Variants in RAPGEF2 observed in about 807,000 individuals in gnomAD.
RAPGEF2 encodes PDZ domain containing guanine nucleotide exchange factor (GEF) 1.
A neutral mutation model predicts 186.7 loss-of-function variants in RAPGEF2; 54 were observed. That is an observed-to-expected ratio of 0.29 (90% confidence interval 0.23 to 0.36). The LOEUF is 0.36. RAPGEF2 is among the 10% of genes least tolerant of loss of function. RAPGEF2 has a pLI of 1.00. For synonymous variants in RAPGEF2, 712 were observed against 705.9 expected (o/e 1.01, Z -0.14); for missense variants, 1,532 against 2,045.0 (o/e 0.75, Z 4.84).
intron 26 of RAPGEF2, among the ~76,000 whole-genome samples, chr4:159,352,154 C>T (rs963346919): frequency 6.6e-6 from 1 of 152,126 alleles, no homozygotes; most frequent in Non-Finnish European, 1.5e-5. Flanking sequence ...TATTGAAAAA[C>T]CAAATGGCAA....
chr4:159,334,917 A>G (rs994125973), intron 17 of RAPGEF2, among the ~76,000 whole-genome samples: 4 of 152,168 alleles, frequency 2.6e-5, no homozygotes, highest in Non-Finnish European at 5.9e-5. Flanking sequence ...ATTTGAAATC[A>G]TATGTGTAAT....
At position 159,236,375 on chromosome 4, in the gene RAPGEF2, G is replaced by A. The variant is rs76162705; in HGVS notation, c.282-2434G>A. 3.3e-3 allele frequency among the ~76,000 whole-genome samples: 502 copies of A among 152,238 alleles called. 6 individuals are homozygous for A. Among genetic ancestry groups the A allele is most frequent in the African/African-American group, 0.012 (486 of 41,522 alleles). On this transcript the variant is annotated intron_variant, in intron 4 of 29. Coordinates refer to ENST00000691494, the MANE Select transcript of RAPGEF2 (RefSeq NM_001394067.2). ...TCCTAGCCATGAAGTTCTGTTGAACGAATGACTAATTGGTAAGAGGATTTA... is the reference window on the plus strand; with the variant it reads ...TCCTAGCCATGAAGTTCTGTTGAACAAATGACTAATTGGTAAGAGGATTTA...
At chr4:159,150,932 A>G (rs1239850708) in intron 1 of RAPGEF2, among the ~76,000 whole-genome samples, 1 of 152,088 alleles carries the variant, frequency 6.6e-6, no homozygotes, top group East Asian at 1.9e-4. Context: ...TTCAGTGTGA[A>G]GTATGTGTAG....
chr4:159,354,182 G>A lies in RAPGEF2; in HGVS notation c.4651+136G>A. 3.1e-6 allele frequency: 3 copies of A among 973,044 alleles called. No homozygotes were observed. The South Asian group carries it at 5.6e-5, about 18-fold the overall frequency. The allele number at this position is 973,044 out of a possible 1,614,324, so 60.3% of individuals were successfully genotyped here. On this transcript the variant is annotated intron_variant, in intron 28 of 29. Coordinates refer to ENST00000691494, the MANE Select transcript of RAPGEF2 (RefSeq NM_001394067.2). ...GCTATGTAGGACTTCCAAATTAGTGGTGTGTTAAGGTCTTTGAAATCAATA... is the reference window on the plus strand; with the variant it reads ...GCTATGTAGGACTTCCAAATTAGTGATGTGTTAAGGTCTTTGAAATCAATA...
At chr4:159,318,410 C>A (rs865780302) in intron 9 of RAPGEF2, among the ~76,000 whole-genome samples, 1 of 152,194 alleles carries the variant, frequency 6.6e-6, no homozygotes, top group Non-Finnish European at 1.5e-5. Context: ...TCCTACCCAA[C>A]GTCCTCTTCC....
At chr4:159,128,681 G>C (rs1216433375) in intron 1 of RAPGEF2, 1 of 151,754 alleles carries the variant, frequency 6.6e-6, no homozygotes, top group Non-Finnish European at 1.5e-5. Flanking sequence ...TTTGTAAAGA[G>C]CTTTCTCTTT....
intron 18 of RAPGEF2, among the ~76,000 whole-genome samples, chr4:159,338,718 A>G (rs1485910986): frequency 6.6e-6 from 1 of 152,258 alleles, no homozygotes; most frequent in Non-Finnish European, 1.5e-5. Context: ...TAAAATGAAG[A>G]TAACACATCC....
intron 1 of RAPGEF2, among the ~76,000 whole-genome samples, chr4:159,117,810 TC>T (rs775586128): frequency 2.6e-5 from 4 of 152,196 alleles, no homozygotes; most frequent in African/African-American, 9.6e-5. Context: ...TGACATTTGT[TC>T]ATCACCTATT....
Position 159,241,282 on chromosome 4 carries a change from A to G in RAPGEF2, c.439A>G (p.Asn147Asp). ...GTCTCGAAGGAGATTTAGAAAAATCAACCAGAAAGGTGAAAGACAAACAAT... is the reference window on the plus strand; with the variant it reads ...GTCTCGAAGGAGATTTAGAAAAATCGACCAGAAAGGTGAAAGACAAACAAT... Reference protein sequence around the residue: ...RQSRRRFRKINQKGERQTIID... With the variant: ...RQSRRRFRKIDQKGERQTIID... Residue 147 changes from asparagine to aspartate, a missense_variant, in exon 6 of 30, where the codon AAC becomes GAC. Asn to Asp is a conservative substitution (Grantham distance 23, BLOSUM62 1). Around this residue, in one of 4 missense-constraint regions of RAPGEF2, gnomAD observed 810 missense variants for 1,210.5 expected, o/e 0.67. Coordinates refer to ENST00000691494, the MANE Select transcript of RAPGEF2 (RefSeq NM_001394067.2). The G allele has an allele frequency of 6.5e-7, 1 of 1,534,176 alleles. No individual in the cohort carries two copies.
intron 7 of RAPGEF2, among the ~76,000 whole-genome samples, chr4:159,296,472 A>G (rs1228149732): frequency 6.6e-6 from 1 of 152,222 alleles, no homozygotes; most frequent in Non-Finnish European, 1.5e-5. Flanking sequence ...TTAGTAAATT[A>G]ATAAATATAT....
intron 4 of RAPGEF2, among the ~76,000 whole-genome samples, chr4:159,213,013 A>G (rs1242787520): frequency 6.6e-6 from 1 of 152,216 alleles, no homozygotes; most frequent in African/African-American, 2.4e-5. Flanking sequence ...AAGATGACAT[A>G]AGTTATTCTT....
chr4:159,263,370 G>T (rs2110757185), intron 7 of RAPGEF2, among the ~76,000 whole-genome samples: 1 of 152,136 alleles, frequency 6.6e-6, no homozygotes, highest in East Asian at 1.9e-4. Context: ...TACTCATATA[G>T]AAAATAGCAT....
At chr4:159,301,425 G>T (rs922603916) in intron 7 of RAPGEF2, among the ~76,000 whole-genome samples, 1 of 152,108 alleles carries the variant, frequency 6.6e-6, no homozygotes, top group Non-Finnish European at 1.5e-5. Flanking sequence ...GGTGGGAAAA[G>T]ATTTTAAGGT....
intron 1 of RAPGEF2, among the ~76,000 whole-genome samples, chr4:159,131,519 A>ATTGGTTTTTTTT: frequency 1.1e-4 from 4 of 37,186 alleles, no homozygotes; most frequent in Non-Finnish European, 1.5e-4. Flanking sequence ...ATTAATTGCT[A>ATTGGTTTTTTTT]TTTTTTTTTT....
At chr4:159,242,699 T>C (rs1032501857) in intron 6 of RAPGEF2, among the ~76,000 whole-genome samples, 1 of 133,802 alleles carries the variant, frequency 7.5e-6, no homozygotes, top group African/African-American at 3.0e-5. Context: ...ATGAAAGGTT[T>C]TTTTGTTACC....
intron 7 of RAPGEF2, among the ~76,000 whole-genome samples, chr4:159,258,845 C>T (rs908697146): frequency 6.6e-6 from 1 of 152,104 alleles, no homozygotes; most frequent in Non-Finnish European, 1.5e-5. Context: ...GATCTTCCTG[C>T]TTTAACAGGT....
intron 1 of RAPGEF2, among the ~76,000 whole-genome samples, chr4:159,138,993 C>G (rs890051793): frequency 6.6e-6 from 1 of 152,158 alleles, no homozygotes; most frequent in Non-Finnish European, 1.5e-5. Context: ...TCTCAGGCAA[C>G]TTGGTGCATC....
intron 1 of RAPGEF2, among the ~76,000 whole-genome samples, chr4:159,147,754 C>A (rs955315901): frequency 6.6e-6 from 1 of 152,164 alleles, no homozygotes. Flanking sequence ...CAGAAAGATT[C>A]CAATTGTTGC....
At chr4:159,326,531 A>G (rs1323283438) in intron 11 of RAPGEF2, 1 of 152,230 alleles carries the variant, frequency 6.6e-6, no homozygotes, top group East Asian at 1.9e-4. Context: ...CACAATGATG[A>G]ATGGATTAAA....
Sources: gnomAD v4.1 joint callset for allele counts (sites outside exome capture counted in the v4.1 genomes callset) on GRCh38, gnomAD v4.1.1 for gene constraint, gnomAD v4.1.1 regional missense constraint, MANE v1.5 for transcripts, NCBI Gene and HGNC (gene_info 2026-07-23, HGNC 2026-07-21) for gene names.